Variants in VWA2 observed in about 807,000 individuals in gnomAD.
The protein encoded by VWA2 is von Willebrand factor A domain containing 2, also known as von Willebrand factor A domain-containing protein 2.
A neutral mutation model predicts 70.4 loss-of-function variants in VWA2; 73 were observed. That is an observed-to-expected ratio of 1.04 (90% CI 0.86 to 1.26). The LOEUF (loss-of-function observed/expected upper bound fraction) is 1.26. Ranked by LOEUF, VWA2 falls within the 50% of genes most tolerant of loss-of-function variation. The pLI, the probability that VWA2 is intolerant of heterozygous loss-of-function variation, is 0.00. For synonymous variants in VWA2, 407 were observed against 423.3 expected, an observed-to-expected ratio of 0.96 and a Z score of 0.47; for missense variants, 1,011 against 998.5, an observed-to-expected ratio of 1.01 and a Z score of -0.17.
At chr10:114,247,918 A>G (rs955208797) in intron 1 of VWA2, among the ~76,000 whole-genome samples, 20 of 152,016 alleles carry the variant, frequency 1.3e-4, no homozygotes, top group Non-Finnish European at 2.2e-4. Context: ...ATGGGTGGTG[A>G]AGTTTTTTTT....
Position 114,291,214 on chromosome 10 carries a change from C to A in VWA2, c.2249-4C>A. On this transcript the variant is annotated splice_polypyrimidine_tract_variant and splice_region_variant and intron_variant, in intron 13 of 13. Transcript: ENST00000392982. ...CTGTCCTCAGACTTCACTTCCTTCCCCAGGATTCTTGAGACGCCCCTGAGG... is the reference window on the plus strand; with the variant it reads ...CTGTCCTCAGACTTCACTTCCTTCCACAGGATTCTTGAGACGCCCCTGAGG... 6.4e-7 allele frequency: 1 copy of A among 1,550,542 alleles called. No individual in the cohort carries two copies.
chr10:114,288,156 A>G (rs960159340), intron 11 of VWA2, among the ~76,000 whole-genome samples: 1 of 152,294 alleles, frequency 6.6e-6, no homozygotes, highest in South Asian at 2.1e-4. Flanking sequence ...TCCCCTGCAC[A>G]GGAGAGGCCT....
chr10:114,265,777 C>T lies in VWA2; in HGVS notation c.371+4482C>T, dbSNP rs2037548681. Among the ~76,000 whole-genome samples the T allele has an allele frequency of 3.9e-5, 6 of 152,302 alleles. No individual in the cohort carries two copies. In the South Asian group the frequency reaches 1.2e-3, roughly 32 times the overall value. ...CTTATGTGTCTGAACAAGGTCTGCTCTTCTGGGGCTGTGTATGATTAGCAC... is the reference window on the plus strand; with the variant it reads ...CTTATGTGTCTGAACAAGGTCTGCTTTTCTGGGGCTGTGTATGATTAGCAC... On this transcript the variant is annotated intron_variant, in intron 5 of 13. Transcript: ENST00000392982.
At chr10:114,272,974 C>A in intron 6 of VWA2, 40 bp downstream of exon 6, 1 of 1,561,528 alleles carries the variant, frequency 6.4e-7, no homozygotes, top group Non-Finnish European at 8.7e-7. Context: ...CTCAGGTGGT[C>A]AGCCTGGGGA....
intron 4 of VWA2, among the ~76,000 whole-genome samples, chr10:114,258,160 T>G (rs2133318662): frequency 6.6e-6 from 1 of 152,354 alleles, no homozygotes; most frequent in Admixed American, 6.5e-5. Flanking sequence ...TAAGATGGTT[T>G]ATTCTGACTT....
intron 1 of VWA2, among the ~76,000 whole-genome samples, chr10:114,240,539 C>CTTG (rs1042478608): frequency 2.6e-5 from 4 of 152,356 alleles, no homozygotes; most frequent in Middle Eastern, 6.8e-3. Flanking sequence ...TTACAAGCTG[C>CTTG]TTTAAGTAAA....
At chr10:114,273,033 A>G in intron 6 of VWA2, 99 bp downstream of exon 6, 1 of 1,045,068 alleles carries the variant, frequency 9.6e-7, no homozygotes, top group Non-Finnish European at 1.3e-6. Context: ...AGAGCCGTCC[A>G]GGTCCTTCCC....
At position 114,291,572 on chromosome 10, in the gene VWA2, G is replaced by T. The variant is rs574315554; in HGVS notation, c.*335G>T. The T allele has an allele frequency of 7.1e-6, 2 of 283,060 alleles. No homozygotes were observed. The highest frequency in any genetic ancestry group is 4.8e-5 in the Admixed American group (1 of 20,930). The allele number at this position is 283,060 out of a possible 1,614,324, so 17.5% of individuals were successfully genotyped here. On this transcript the variant is annotated 3_prime_UTR_variant, in exon 14 of 14. Transcript: ENST00000392982. ...CACCTTTCCCTTGAGGATAAACAAG[G>T]GGTCCTGAAGACTTAAATTTAGCGG... is the stretch of plus-strand genomic sequence containing the variant.
chr10:114,274,863 G>A (rs1368255003), intron 6 of VWA2, among the ~76,000 whole-genome samples: 2 of 152,170 alleles, frequency 1.3e-5, no homozygotes, highest in Admixed American at 1.3e-4. Flanking sequence ...GGGTGTGTGA[G>A]AGAAGAATTG....
chr10:114,250,715 G>T (rs1221614988), intron 2 of VWA2, among the ~76,000 whole-genome samples: 4 of 152,264 alleles, frequency 2.6e-5, no homozygotes, highest in African/African-American at 9.6e-5. Flanking sequence ...CTCTGAGCCA[G>T]GTGGGGTGGA....
intron 5 of VWA2, among the ~76,000 whole-genome samples, chr10:114,266,305 A>G (rs1589754591): frequency 6.6e-6 from 1 of 152,106 alleles, no homozygotes; most frequent in East Asian, 1.9e-4. Context: ...TCAAAGAAAA[A>G]AAAAAATTAA....
intron 6 of VWA2, among the ~76,000 whole-genome samples, chr10:114,274,656 C>T (rs2037785696): frequency 6.6e-6 from 1 of 151,308 alleles, no homozygotes; most frequent in South Asian, 2.1e-4. Context: ...CCACACCTGG[C>T]TACTTTTTTT....
chr10:114,264,030 G>A (rs1408868890), intron 5 of VWA2, among the ~76,000 whole-genome samples: 1 of 152,234 alleles, frequency 6.6e-6, no homozygotes, highest in East Asian at 1.9e-4. Flanking sequence ...TGTGGATAAA[G>A]TACAGCCCTC....
At chr10:114,273,418 C>T (rs2037754936) in intron 6 of VWA2, among the ~76,000 whole-genome samples, 1 of 152,224 alleles carries the variant, frequency 6.6e-6, no homozygotes, top group South Asian at 2.1e-4. Context: ...AGACCCCTTT[C>T]CACAGTTTAA....
intron 5 of VWA2, among the ~76,000 whole-genome samples, chr10:114,270,034 G>T (rs1045821328): frequency 6.6e-6 from 1 of 152,336 alleles, no homozygotes; most frequent in Non-Finnish European, 1.5e-5. Flanking sequence ...CAGGCCAGTG[G>T]TCTCTGTGTA....
rs780775696 is a variant in VWA2 at position 114,277,965 on chromosome 10, G to A, written c.618G>A (p.Leu206=). The A allele has an allele frequency of 6.8e-6, 11 of 1,612,936 alleles. No homozygotes were observed. The highest frequency in any genetic ancestry group is 1.8e-4 in the Middle Eastern group (1 of 5,486). Residue 206 remains leucine (L), a synonymous_variant, in exon 7 of 14, where the codon CTG becomes CTA. Coordinates refer to ENST00000392982, the MANE Select transcript of VWA2 (RefSeq NM_001272046.2). ...GCGAGCCTAGAGGGCAGCACGTGCTGTTGGCTGAGCAGGTGGAGGATGCCA... is the reference window on the plus strand; with the variant it reads ...GCGAGCCTAGAGGGCAGCACGTGCTATTGGCTGAGCAGGTGGAGGATGCCA... ...LASEPRGQHV[L]LAEQVEDATN... is the part of the protein sequence containing the mutation.
chr10:114,290,135 A>C lies in VWA2; in HGVS notation c.2123-105A>C, dbSNP rs2039422735. On this transcript the variant is annotated intron_variant, in intron 12 of 13. Coordinates refer to ENST00000392982, the MANE Select transcript of VWA2 (RefSeq NM_001272046.2). ...ATGAGCTACCGGGGCAAAGGGAGACATGACTCTAGTAGCCTTGCACCTCTA... is the reference window on the plus strand; with the variant it reads ...ATGAGCTACCGGGGCAAAGGGAGACCTGACTCTAGTAGCCTTGCACCTCTA... 43 of 1,450,720 alleles carry C rather than the reference A, an allele frequency of 3.0e-5. 1 individual carries two copies. The South Asian group carries it at 4.9e-4, about 17-fold the overall frequency. The allele number at this position is 1,450,720 out of a possible 1,614,324, so 89.9% of individuals were successfully genotyped here. A position where few individuals can be genotyped will look rare whatever the true frequency, so the allele number is the denominator to read the frequency against.
rs555469487 is a variant in VWA2, at chr10:114,284,518, A to T, written c.890-345A>T. On this transcript the variant is annotated intron_variant, in intron 9 of 13. Coordinates refer to ENST00000392982, the MANE Select transcript of VWA2 (RefSeq NM_001272046.2). ...AAGACAACCCTGTGTAGAACTTAGA[A>T]GACAGGGCCCCATTGGCACCGCAGC... Among the ~76,000 whole-genome samples, 11 of 152,050 alleles carry T rather than the reference A, an allele frequency of 7.2e-5. No individual in the cohort carries two copies. The South Asian group carries it at 2.3e-3, about 32-fold the overall frequency.
At chr10:114,290,175 G>C in intron 12 of VWA2, 65 bp from the exon 13 acceptor site, 2 of 1,537,930 alleles carry the variant, frequency 1.3e-6, no homozygotes, top group South Asian at 2.4e-5. Flanking sequence ...GCTTACTTAG[G>C]GTAGGGGTCT....
Sources: allele counts gnomAD v4.1 joint callset (sites outside exome capture counted in the v4.1 genomes callset), GRCh38; gene constraint gnomAD v4.1.1; transcripts MANE v1.5; gene names NCBI Gene and HGNC (gene_info 2026-07-23, HGNC 2026-07-21).